The following ZNF385D variants were observed in gnomAD, a reference collection of about 807,000 sequenced individuals.
ZNF385D encodes zinc finger protein 385D.
ZNF385D carries 15 observed loss-of-function variants against 35.8 expected under a neutral mutation model. That is an observed-to-expected ratio of 0.42 (90% CI 0.28 to 0.64). The LOEUF (loss-of-function observed/expected upper bound fraction) is 0.64. ZNF385D is among the 30% of genes least tolerant of loss of function. ZNF385D has a pLI of 0.23. For missense variants in ZNF385D, 474 were observed against 494.6 expected, an observed-to-expected ratio of 0.96 and a Z score of 0.39; for synonymous variants, 212 against 186.8, an observed-to-expected ratio of 1.13 and a Z score of -1.10.
At chr3:21,596,002 A>G (rs772984664) in intron 2 of ZNF385D, among the ~76,000 whole-genome samples, 12 of 152,240 alleles carry the variant, frequency 7.9e-5, no homozygotes, top group Non-Finnish European at 1.2e-4. Context: ...ACAAGTATCA[A>G]TGCAATTTCA....
intron 3 of ZNF385D, among the ~76,000 whole-genome samples, chr3:21,805,920 C>T (rs115098456): frequency 3.0e-4 from 45 of 152,288 alleles, no homozygotes; most frequent in African/African-American, 1.0e-3. Context: ...TTCTACTTAC[C>T]TGCAATAGAC....
intron 1 of ZNF385D, among the ~76,000 whole-genome samples, chr3:21,723,363 G>A (rs1299419653): frequency 1.3e-5 from 2 of 152,136 alleles, no homozygotes; most frequent in African/African-American, 4.8e-5. Flanking sequence ...CAGAGCTAAA[G>A]GAGCGTGTTC....
intron 3 of ZNF385D, among the ~76,000 whole-genome samples, chr3:22,067,598 C>T (rs1262347345): frequency 6.6e-6 from 1 of 152,172 alleles, no homozygotes; most frequent in East Asian, 1.9e-4. Flanking sequence ...AGAGGTGGTA[C>T]ACTTCAATGT....
At chr3:21,869,088 A>G (rs1002547644) in intron 3 of ZNF385D, among the ~76,000 whole-genome samples, 7 of 152,058 alleles carry the variant, frequency 4.6e-5, no homozygotes, top group African/African-American at 1.7e-4. Flanking sequence ...CCCTTCTACA[A>G]AAGTTGTATG....
intron 2 of ZNF385D, among the ~76,000 whole-genome samples, chr3:21,603,042 A>AC (rs1187231592): frequency 1.2e-4 from 18 of 152,266 alleles, no homozygotes; most frequent in Middle Eastern, 3.4e-3. Flanking sequence ...CTTTATAACT[A>AC]CCCCAAACTT....
chr3:21,528,191 G>C (rs961065857), intron 3 of ZNF385D, among the ~76,000 whole-genome samples: 33 of 152,060 alleles, frequency 2.2e-4, no homozygotes, highest in Admixed American at 1.4e-3. Context: ...AAAGGGGAGA[G>C]AGAATGAAAT....
At chr3:22,011,134 T>C (rs1291927589) in intron 3 of ZNF385D, among the ~76,000 whole-genome samples, 2 of 152,158 alleles carry the variant, frequency 1.3e-5, no homozygotes. Context: ...TTTGATTTAT[T>C]TTTGTATATA....
intron 3 of ZNF385D, among the ~76,000 whole-genome samples, chr3:22,097,831 C>T (rs749024075): frequency 9.2e-5 from 14 of 152,004 alleles, no homozygotes; most frequent in African/African-American, 2.7e-4. Flanking sequence ...CCTTAAATGT[C>T]AGGACTTTGA....
chr3:21,865,457 G>A (rs940797923), intron 3 of ZNF385D, among the ~76,000 whole-genome samples: 8 of 151,998 alleles, frequency 5.3e-5, no homozygotes, highest in Admixed American at 3.3e-4. Flanking sequence ...ATTTTGAATG[G>A]GTCCAGGGGG....
At chr3:21,436,813 T>A in intron 5 of ZNF385D, 157 bp downstream of exon 5, 1 of 753,516 alleles carries the variant, frequency 1.3e-6, no homozygotes, top group Non-Finnish European at 2.1e-6. Flanking sequence ...TAAATGACAC[T>A]TTGCTCGTCA....
At chr3:22,364,027 A>AC (rs1172379216) in intron 2 of ZNF385D, among the ~76,000 whole-genome samples, 1 of 152,022 alleles carries the variant, frequency 6.6e-6, no homozygotes, top group African/African-American at 2.4e-5. Context: ...TGGGGTTTCT[A>AC]CCTCTTGATG....
intron 3 of ZNF385D, among the ~76,000 whole-genome samples, chr3:21,835,592 T>C (rs938718655): frequency 6.6e-6 from 1 of 151,696 alleles, no homozygotes; most frequent in Non-Finnish European, 1.5e-5. Context: ...TCTTAGCATA[T>C]GTTCTAATAG....
chr3:22,364,456 C>A (rs764051657), intron 2 of ZNF385D, among the ~76,000 whole-genome samples: 8 of 152,074 alleles, frequency 5.3e-5, no homozygotes, highest in Non-Finnish European at 1.0e-4. Flanking sequence ...CTAAATATTG[C>A]TTTAAAGGAG....
intron 3 of ZNF385D, among the ~76,000 whole-genome samples, chr3:21,837,514 G>A (rs1695403518): frequency 1.3e-5 from 2 of 152,014 alleles, no homozygotes; most frequent in African/African-American, 4.8e-5. Context: ...CATGGCTTTG[G>A]AATTTAGATG....
chr3:21,757,111 T>C (rs1020507115), intron 3 of ZNF385D, among the ~76,000 whole-genome samples: 1 of 137,406 alleles, frequency 7.3e-6, no homozygotes, highest in Non-Finnish European at 1.5e-5. Flanking sequence ...AGACATATGA[T>C]AAATTTCTCT....
At chr3:21,804,819 C>CT (rs1559638782) in intron 3 of ZNF385D, among the ~76,000 whole-genome samples, 2 of 151,736 alleles carry the variant, frequency 1.3e-5, no homozygotes, top group African/African-American at 4.9e-5. Flanking sequence ...AGTTCAAAGG[C>CT]TATTTAATAT....
intron 1 of ZNF385D, among the ~76,000 whole-genome samples, chr3:21,696,637 C>A (rs533296434): frequency 2.0e-5 from 3 of 152,288 alleles, no homozygotes; most frequent in South Asian, 4.1e-4. Flanking sequence ...CACAACATAC[C>A]CATATCCATC....
At chr3:21,734,692 C>T (rs537184844) in intron 1 of ZNF385D, among the ~76,000 whole-genome samples, 1 of 152,182 alleles carries the variant, frequency 6.6e-6, no homozygotes, top group East Asian at 1.9e-4. Flanking sequence ...GAGCCAAAAC[C>T]TGGGCTGCAC....
intron 2 of ZNF385D, among the ~76,000 whole-genome samples, chr3:22,319,198 A>C (rs1704063580): frequency 6.6e-6 from 1 of 152,176 alleles, no homozygotes; most frequent in Admixed American, 6.6e-5. Context: ...CTTTTCAACC[A>C]AGTCTTTCTT....
Sources: gnomAD v4.1 joint callset for allele counts (sites outside exome capture counted in the v4.1 genomes callset) on GRCh38, gnomAD v4.1.1 for gene constraint, MANE v1.5 for transcripts, NCBI Gene and HGNC (gene_info 2026-07-23, HGNC 2026-07-21) for gene names.